The following SPTLC1 variants were observed in gnomAD, a reference collection of about 807,000 sequenced individuals.
SPTLC1 encodes serine palmitoyltransferase 1.
Under a neutral mutation model 68.9 loss-of-function variants are expected in SPTLC1, and 55 were observed. The observed-to-expected ratio is 0.80, with a 90% CI of 0.64 to 1.00. The LOEUF is 1.00. Ranked by LOEUF, SPTLC1 falls within the 50% of genes least tolerant of loss-of-function variation. The pLI is 0.00. For missense variants in SPTLC1, 449 were observed against 573.1 expected, an observed-to-expected ratio of 0.78 and a Z score of 2.21; for synonymous variants, 197 against 201.6, an observed-to-expected ratio of 0.98 and a Z score of 0.19.
chr9:92,104,753 G>A (rs1835893913), intron 3 of SPTLC1: 1 of 1,533,526 alleles, frequency 6.5e-7, no homozygotes. Context: ...TGGGGAAGCA[G>A]CTTCCACCTC....
chr9:92,083,998 A>G (rs940603014), intron 3 of SPTLC1, among the ~76,000 whole-genome samples: 1 of 152,030 alleles, frequency 6.6e-6, no homozygotes, highest in African/African-American at 2.4e-5. Context: ...ATTCTCTTTG[A>G]AGGAATTGTG....
rs1031233370 is a variant in SPTLC1 at position 92,031,538 on chromosome 9, A to C, written c.*927T>G. The C allele has an allele frequency of 3.9e-5, 6 of 152,190 alleles. No homozygotes were observed. Among genetic ancestry groups the C allele is most frequent in the Non-Finnish European group, 7.4e-5 (5 of 68,008 alleles). The allele number at this position is 152,190 out of a possible 1,614,324, so 9.4% of individuals were successfully genotyped here. On this transcript the variant is annotated 3_prime_UTR_variant, in exon 15 of 15. Coordinates refer to ENST00000262554, the MANE Select transcript of SPTLC1 (RefSeq NM_006415.4). ...TTTCACATCTTTTGTAGATATCTGG[A>C]ATTTGTAAGATGAAAAGAAAAATTC... is the stretch of plus-strand genomic sequence containing the variant.
intron 5 of SPTLC1, among the ~76,000 whole-genome samples, chr9:92,074,030 T>C (rs56204501): frequency 0.11 from 16,575 of 151,398 alleles, 1,969 homozygotes; most frequent in African/African-American, 0.3. Context: ...GCTCCTGGAG[T>C]ACAAACCCGA....
At chr9:92,107,568 C>G (rs1836047009) in intron 3 of SPTLC1, among the ~76,000 whole-genome samples, 1 of 152,222 alleles carries the variant, frequency 6.6e-6, no homozygotes, top group African/African-American at 2.4e-5. Context: ...CTGGCTAACA[C>G]AGTGAAACTC....
chr9:92,042,245 T>C (rs1490761644), intron 12 of SPTLC1, among the ~76,000 whole-genome samples: 1 of 152,222 alleles, frequency 6.6e-6, no homozygotes, highest in Non-Finnish European at 1.5e-5. Flanking sequence ...ATTGCCACTG[T>C]TCAATACAAA....
At chr9:92,092,318 C>T (rs1189745105) in intron 3 of SPTLC1, among the ~76,000 whole-genome samples, 2 of 151,952 alleles carry the variant, frequency 1.3e-5, no homozygotes, top group South Asian at 2.1e-4. Context: ...TTTTTAATCA[C>T]ATAGCAATAA....
At chr9:92,077,461 C>T (rs921186006) in intron 5 of SPTLC1, among the ~76,000 whole-genome samples, 33 of 152,152 alleles carry the variant, frequency 2.2e-4, no homozygotes, top group Admixed American at 6.5e-5. Flanking sequence ...CTGCAGAATC[C>T]TCCCCACTGG....
intron 13 of SPTLC1, 137 bp from the exon 14 acceptor site, chr9:92,035,020 T>C: frequency 1.3e-6 from 1 of 779,206 alleles, no homozygotes; most frequent in Non-Finnish European, 2.3e-6. Flanking sequence ...ATCACCAAAA[T>C]ACTACACCAC....
intron 6 of SPTLC1, among the ~76,000 whole-genome samples, chr9:92,063,414 T>C (rs187080328): frequency 1.3e-5 from 2 of 152,270 alleles, no homozygotes; most frequent in Admixed American, 1.3e-4. Flanking sequence ...CCCAGATGGT[T>C]TCATGGGAGA....
At chr9:92,084,843 A>G (rs1258925424) in intron 3 of SPTLC1, among the ~76,000 whole-genome samples, 2 of 152,104 alleles carry the variant, frequency 1.3e-5, no homozygotes, top group African/African-American at 4.8e-5. Context: ...TACCTCTGGT[A>G]GAATTCGGCT....
chr9:92,088,416 C>G (rs1367213369), intron 3 of SPTLC1, among the ~76,000 whole-genome samples: 6 of 152,128 alleles, frequency 3.9e-5, no homozygotes, highest in Admixed American at 2.6e-4. Flanking sequence ...TCTTTCAAAT[C>G]CAGTGCCACT....
At chr9:92,053,170 A>G (rs1833769388) in intron 8 of SPTLC1, among the ~76,000 whole-genome samples, 1 of 152,128 alleles carries the variant, frequency 6.6e-6, no homozygotes. Context: ...ATCATTAGCC[A>G]TTTGGGGGAA....
chr9:92,095,040 C>T (rs953461200), intron 3 of SPTLC1, among the ~76,000 whole-genome samples: 1 of 152,108 alleles, frequency 6.6e-6, no homozygotes, highest in African/African-American at 2.4e-5. Flanking sequence ...TAACAGAGTA[C>T]TAACTCAAAA....
At chr9:92,111,900 A>C (rs1001070115) in intron 2 of SPTLC1, 5 of 153,930 alleles carry the variant, frequency 3.2e-5, no homozygotes, top group African/African-American at 1.2e-4. Flanking sequence ...TTGTGCACTA[A>C]CCACCCTCGC....
intron 12 of SPTLC1, among the ~76,000 whole-genome samples, chr9:92,045,049 A>C (rs1258285952): frequency 6.6e-6 from 1 of 152,240 alleles, no homozygotes; most frequent in African/African-American, 2.4e-5. Context: ...AACTGGAACC[A>C]ATACAAATAT....
intron 3 of SPTLC1, among the ~76,000 whole-genome samples, chr9:92,087,655 TG>T: frequency 6.6e-6 from 1 of 152,288 alleles, no homozygotes; most frequent in Non-Finnish European, 1.5e-5. Context: ...CTGCCCCTAC[TG>T]GGGGGTGCCT....
intron 5 of SPTLC1, among the ~76,000 whole-genome samples, chr9:92,078,300 T>C (rs1413823050): frequency 6.6e-6 from 1 of 152,200 alleles, no homozygotes; most frequent in African/African-American, 2.4e-5. Flanking sequence ...ATGTGCCTTT[T>C]CTAGTTTTCT....
At chr9:92,090,622 C>CA (rs897259161) in intron 3 of SPTLC1, among the ~76,000 whole-genome samples, 5 of 93,856 alleles carry the variant, frequency 5.3e-5, no homozygotes, top group African/African-American at 1.1e-4. Flanking sequence ...AAAAAACAAA[C>CA]AAAAAAAAAT....
Position 92,082,697 on chromosome 9 carries a change from C to T in SPTLC1, c.261-1734G>A, listed in dbSNP as rs1834932614. On this transcript the variant is annotated intron_variant, in intron 3 of 14. Coordinates refer to ENST00000262554, the MANE Select transcript of SPTLC1 (RefSeq NM_006415.4). ...CTATTGTGAATAGTGCCCCAATAAA[C>T]ATACGTGTGCATGTGTCTTTATAGC... 2.6e-5 allele frequency among the ~76,000 whole-genome samples: 4 copies of T among 152,074 alleles called. 1 individual carries two copies. Among genetic ancestry groups the T allele is most frequent in the Admixed American group, 2.6e-4 (4 of 15,268 alleles).
Sources: gnomAD v4.1 joint callset for allele counts (sites outside exome capture counted in the v4.1 genomes callset) on GRCh38, gnomAD v4.1.1 for gene constraint, MANE v1.5 for transcripts, NCBI Gene and HGNC (gene_info 2026-07-23, HGNC 2026-07-21) for gene names.